The following TEX14 variants were observed in gnomAD, a reference collection of about 807,000 sequenced individuals.
TEX14 encodes testis expressed 14, intercellular bridge forming factor, also known as inactive serine/threonine-protein kinase TEX14.
A neutral mutation model predicts 178.6 loss-of-function variants in TEX14; 168 were observed. That is an observed-to-expected ratio of 0.94 (90% CI 0.83 to 1.07). The LOEUF (loss-of-function observed/expected upper bound fraction) is 1.07. Among genes scored for constraint, TEX14 ranks in the 50% least tolerant of loss-of-function variants. The pLI, the probability that TEX14 is intolerant of heterozygous loss-of-function variation, is 0.00. For missense variants in TEX14, 1,730 were observed against 1,753.6 expected (o/e 0.99, Z 0.24); for synonymous variants, 626 against 634.1 (o/e 0.99, Z 0.19).
chr17:58,615,863 A>T (rs2045860870), intron 7 of TEX14, among the ~76,000 whole-genome samples: 1 of 152,232 alleles, frequency 6.6e-6, no homozygotes, highest in African/African-American at 2.4e-5. Flanking sequence ...TCTCCCCCAG[A>T]AACCTATGGC....
chr17:58,662,413 T>TCACACACACA (rs555187857), intron 1 of TEX14, among the ~76,000 whole-genome samples: 20 of 127,674 alleles, frequency 1.6e-4, no homozygotes, highest in Non-Finnish European at 2.1e-4. Context: ...AGCACACATA[T>TCACACACACA]CTCACACACA....
In TEX14 at chr17:58,651,900, C is replaced by A. The variant is rs1310649767; in HGVS notation, c.102G>T (p.Gly34=). The A allele has an allele frequency of 1.2e-6, 2 of 1,612,936 alleles. No homozygotes were observed. The highest frequency in any genetic ancestry group is 1.7e-6 in the Non-Finnish European group (2 of 1,179,754). Residue 34 remains glycine (G), a synonymous_variant, in exon 2 of 32, where the codon GGG becomes GGT. Coordinates refer to ENST00000349033, the MANE Select transcript of TEX14 (RefSeq NM_031272.5). The part of the protein sequence containing the change: ...EAQLHEYVKQ[G]NYVKVKKILK... ...GAATTTTCTTCACTTTCACATAGTT[C>A]CCTTGTTTGACATACTCATGAAGCT...
In TEX14 at chr17:58,579,002, AC is replaced by A. The variant is rs558167465; in HGVS notation, c.3238+662del. Among the ~76,000 whole-genome samples, 144 of 152,380 alleles carry A rather than the reference AC, an allele frequency of 9.5e-4. 1 individual carries two copies. The highest frequency in any genetic ancestry group is 3.1e-3 in the African/African-American group (127 of 41,592). ...ATAGATGAGTACATACCTTAAAAGAACAAGAGTACACAATTTTAAAAATGTA... is the reference window on the plus strand; with the variant it reads ...ATAGATGAGTACATACCTTAAAAGAAAAGAGTACACAATTTTAAAAATGTA... On this transcript the variant is annotated intron_variant, in intron 20 of 31. Transcript: ENST00000349033.
chr17:58,631,529 T>TATATACACAACAC (rs1177339647), intron 2 of TEX14: 1 of 151,490 alleles, frequency 6.6e-6, no homozygotes, highest in Non-Finnish European at 1.5e-5. Flanking sequence ...AATATATGCA[T>TATATACACAACAC]ATATACACAA....
rs182963062 is a variant in TEX14, at chr17:58,620,138, C to G, written c.554+1512G>C. ...AATAATTGCAAACTATGACAATTCTCTAAACTCTGAAGGACGGGTCTCCAT... is the reference window on the plus strand; with the variant it reads ...AATAATTGCAAACTATGACAATTCTGTAAACTCTGAAGGACGGGTCTCCAT... On this transcript the variant is annotated intron_variant, in intron 5 of 31. Coordinates refer to ENST00000349033, the MANE Select transcript of TEX14 (RefSeq NM_031272.5). Among the ~76,000 whole-genome samples, 6 of 152,174 alleles carry G rather than the reference C, an allele frequency of 3.9e-5. No individual in the cohort carries two copies. The East Asian group carries it at 1.2e-3, about 29-fold the overall frequency.
intron 30 of TEX14, 111 bp from the exon 31 acceptor site, chr17:58,557,961 C>G (rs1180327189): frequency 1.4e-6 from 1 of 736,082 alleles, no homozygotes; most frequent in African/African-American, 1.8e-5. Context: ...GTTTTACCTA[C>G]AATGGTTGTT....
intron 2 of TEX14, chr17:58,631,932 T>C (rs1278253282): frequency 6.6e-6 from 1 of 152,268 alleles, no homozygotes; most frequent in Admixed American, 6.5e-5. Context: ...TCGAAAATAT[T>C]ACTATGTGTT....
At chr17:58,678,536 G>A (rs1211456865) in intron 1 of TEX14, among the ~76,000 whole-genome samples, 9 of 152,086 alleles carry the variant, frequency 5.9e-5, no homozygotes, top group African/African-American at 1.9e-4. Context: ...GGACATGGAT[G>A]AAGCTGGAAA....
chr17:58,630,646 T>C, intron 2 of TEX14, 92 bp from the exon 3 acceptor site: 4 of 832,326 alleles, frequency 4.8e-6, no homozygotes, highest in Non-Finnish European at 7.9e-6. Context: ...ATTTTTATAG[T>C]GTACTTTCAT....
At chr17:58,590,641 C>T (rs2045111431) in intron 15 of TEX14, among the ~76,000 whole-genome samples, 1 of 151,882 alleles carries the variant, frequency 6.6e-6, no homozygotes, top group Non-Finnish European at 1.5e-5. Flanking sequence ...GCAGCCTTGA[C>T]CTCCCCAGGA....
intron 1 of TEX14, among the ~76,000 whole-genome samples, chr17:58,654,639 T>C (rs2046912089): frequency 6.6e-6 from 1 of 151,826 alleles, no homozygotes; most frequent in Non-Finnish European, 1.5e-5. Flanking sequence ...CCCAAGTAGT[T>C]GGGATTACAG....
intron 1 of TEX14, among the ~76,000 whole-genome samples, chr17:58,667,357 A>T (rs1425171932): frequency 2.6e-5 from 4 of 152,200 alleles, no homozygotes; most frequent in Non-Finnish European, 5.9e-5. Context: ...CTGTCCTTGG[A>T]GGAGTTTTTG....
intron 1 of TEX14, among the ~76,000 whole-genome samples, chr17:58,683,052 C>CAAAAAA (rs1194798521): frequency 3.7e-5 from 2 of 54,036 alleles, no homozygotes; most frequent in African/African-American, 6.8e-5. Flanking sequence ...GAGTCTGTCT[C>CAAAAAA]AAAAAAAAAA....
intron 1 of TEX14, chr17:58,660,514 G>A (rs1227435633): frequency 8.3e-6 from 6 of 719,840 alleles, no homozygotes; most frequent in Non-Finnish European, 1.5e-5. Flanking sequence ...GGAGGGGAAG[G>A]CTGCATGGTT....
chr17:58,572,194 CTT>C, intron 23 of TEX14, 68 bp from the exon 24 acceptor site: 3 of 1,275,494 alleles, frequency 2.4e-6, no homozygotes, highest in Non-Finnish European at 3.3e-6. Flanking sequence ...TCCTTTTTCC[CTT>C]TGTTTTTGTT....
chr17:58,648,742 G>A (rs2046769668), intron 2 of TEX14, among the ~76,000 whole-genome samples: 1 of 151,828 alleles, frequency 6.6e-6, no homozygotes, highest in Non-Finnish European at 1.5e-5. Context: ...TGGCAAGGAT[G>A]GGGAAAGCCA....
intron 10 of TEX14, among the ~76,000 whole-genome samples, chr17:58,606,121 C>A (rs1372879184): frequency 6.6e-6 from 1 of 152,206 alleles, no homozygotes; most frequent in Non-Finnish European, 1.5e-5. Context: ...AGGGTTCACT[C>A]ATATGCTTAA....
rs759993363 is a variant in TEX14 at position 58,630,539 on chromosome 17, G to A, written c.152C>T (p.Ala51Val). Reference sequence around the variant, plus strand: ...TGCTGTTTGGCCCAAGGAGTTAACTGCATCAACATAAATTCCTGCAAAGGA... The same window carrying A: ...TGCTGTTTGGCCCAAGGAGTTAACTACATCAACATAAATTCCTGCAAAGGA... ...KILKKGIYVDAVNSLGQTALF... is the reference protein window; with the variant it reads ...KILKKGIYVDVVNSLGQTALF... Residue 51 changes from alanine (A) to valine (V), a missense_variant, in exon 3 of 32, where the codon GCA becomes GTA. Transcript: ENST00000349033. The A allele has an allele frequency of 2.2e-5, 36 of 1,612,746 alleles. No individual in the cohort carries two copies. The highest frequency in any genetic ancestry group is 3.1e-5 in the Non-Finnish European group (36 of 1,178,868).
At chr17:58,691,671 A>AAG (rs1258753468) in intron 1 of TEX14, among the ~76,000 whole-genome samples, 1 of 151,530 alleles carries the variant, frequency 6.6e-6, no homozygotes, top group African/African-American at 2.4e-5. Flanking sequence ...TGTCTCAAAA[A>AAG]AAAAAAAAAA....
Sources: gnomAD v4.1 joint callset for allele counts (sites outside exome capture counted in the v4.1 genomes callset) on GRCh38, gnomAD v4.1.1 for gene constraint, MANE v1.5 for transcripts, NCBI Gene and HGNC (gene_info 2026-07-23, HGNC 2026-07-21) for gene names.